The following PARD3 variants were observed in gnomAD, a reference collection of about 807,000 sequenced individuals.
The protein encoded by PARD3 is par-3 family cell polarity regulator, also known as partitioning defective 3 homolog.
PARD3 carries 75 observed loss-of-function variants against 155.4 expected under a neutral mutation model. That is an observed-to-expected ratio of 0.48 (90% confidence interval 0.40 to 0.58). PARD3 has a LOEUF of 0.58. Ranked by LOEUF, PARD3 falls within the 20% of genes least tolerant of loss-of-function variation. The probability of loss-of-function intolerance (pLI) is 0.00; values close to 1 mark genes in which losing one functional copy is unlikely to be tolerated. For missense variants in PARD3, 1,642 were observed against 1,721.7 expected (o/e 0.95, Z 0.82); for synonymous variants, 576 against 610.5 (o/e 0.94, Z 0.83).
Position 34,666,805 on chromosome 10 carries a change from A to ATATATATATATG in PARD3, c.222+29512_222+29513insCATATATATATA, listed in dbSNP as rs1472522396. ...AAAAAAAAAAAAAAAAAATATATAT[A>ATATATATATATG]TATATATATATACACACACACACAC... On this transcript the variant is annotated intron_variant, in intron 2 of 24. Coordinates refer to ENST00000374788, the MANE Select transcript of PARD3 (RefSeq NM_001184785.2). Among the ~76,000 whole-genome samples the ATATATATATATG allele has an allele frequency of 8.5e-3, 863 of 101,518 alleles. 25 individuals carry two copies. The highest frequency in any genetic ancestry group is 0.039 in the African/African-American group (817 of 20,894). The allele number at this position is 101,518 out of a possible 152,430, so 66.6% of individuals were successfully genotyped here.
At chr10:34,385,892 A>G (rs374324137) in intron 7 of PARD3, among the ~76,000 whole-genome samples, 10 of 152,220 alleles carry the variant, frequency 6.6e-5, no homozygotes, top group African/African-American at 2.2e-4. Context: ...GGCATGATTG[A>G]GGTTAGCTGA....
intron 16 of PARD3, among the ~76,000 whole-genome samples, chr10:34,340,400 C>T (rs1419604120): frequency 2.0e-5 from 3 of 152,148 alleles, no homozygotes; most frequent in African/African-American, 7.2e-5. Context: ...ACACCATCTG[C>T]AGATTTCAAA....
chr10:34,474,749 T>G (rs1349893960), intron 3 of PARD3, among the ~76,000 whole-genome samples: 1 of 152,238 alleles, frequency 6.6e-6, no homozygotes, highest in Non-Finnish European at 1.5e-5. Context: ...TCAAATCTAT[T>G]AAGTTCCATT....
chr10:34,210,799 C>T (rs1276337306), intron 22 of PARD3, among the ~76,000 whole-genome samples: 2 of 152,122 alleles, frequency 1.3e-5, no homozygotes, highest in African/African-American at 2.4e-5. Flanking sequence ...GAATTCAGTG[C>T]ACAATGGTCA....
At chr10:34,792,086 T>C (rs1291097051) in intron 1 of PARD3, among the ~76,000 whole-genome samples, 1 of 152,262 alleles carries the variant, frequency 6.6e-6, no homozygotes, top group South Asian at 2.1e-4. Flanking sequence ...TGCTCAGATA[T>C]GCGCCCTGTT....
chr10:34,474,906 A>T (rs1446230856), intron 3 of PARD3, among the ~76,000 whole-genome samples: 1 of 152,242 alleles, frequency 6.6e-6, no homozygotes, highest in Non-Finnish European at 1.5e-5. Context: ...GAAACGTTAC[A>T]TTAGCCATAA....
chr10:34,406,849 T>C (rs1333002020), intron 5 of PARD3, among the ~76,000 whole-genome samples: 1 of 150,688 alleles, frequency 6.6e-6, no homozygotes, highest in African/African-American at 2.4e-5. Context: ...GAAGAGGAAA[T>C]ATATTCAGAG....
intron 20 of PARD3, among the ~76,000 whole-genome samples, chr10:34,289,106 G>GC (rs1348363085): frequency 8.6e-5 from 13 of 151,990 alleles, no homozygotes; most frequent in Admixed American, 8.5e-4. Flanking sequence ...GACTACAGGT[G>GC]CATGGTACCT....
Position 34,435,242 on chromosome 10 carries a change from T to C in PARD3, c.714+15075A>G, listed in dbSNP as rs145914152. 4.9e-3 allele frequency among the ~76,000 whole-genome samples: 739 copies of C among 152,296 alleles called. 6 individuals carry two copies. The highest frequency in any genetic ancestry group is 0.017 in the African/African-American group (711 of 41,546). The stretch of plus-strand genomic sequence containing the variant: ...GCTATCTCTGGTACTTTTGTTGTAA[T>C]TGCAGATGGCAACACTTCATCATCT... On this transcript the variant is annotated intron_variant, in intron 5 of 24. Coordinates refer to ENST00000374788, the MANE Select transcript of PARD3 (RefSeq NM_001184785.2).
At chr10:34,378,162 G>T in intron 9 of PARD3, 56 bp from the exon 10 acceptor site, 1 of 1,345,874 alleles carries the variant, frequency 7.4e-7, no homozygotes. Flanking sequence ...GAATTTTACA[G>T]GTGTATTGCA....
chr10:34,545,016 A>C (rs2083930209), intron 2 of PARD3, among the ~76,000 whole-genome samples: 1 of 152,218 alleles, frequency 6.6e-6, no homozygotes, highest in South Asian at 2.1e-4. Context: ...CAAAGAATTT[A>C]GGAAAAAAGG....
At chr10:34,184,606 CTT>C (rs1950404372) in intron 22 of PARD3, among the ~76,000 whole-genome samples, 1 of 151,892 alleles carries the variant, frequency 6.6e-6, no homozygotes, top group Non-Finnish European at 1.5e-5. Context: ...ACCAAAGTCT[CTT>C]TAACTAGGTC....
At chr10:34,389,848 C>A (rs2132073351) in intron 7 of PARD3, among the ~76,000 whole-genome samples, 1 of 152,020 alleles carries the variant, frequency 6.6e-6, no homozygotes, top group African/African-American at 2.4e-5. Context: ...TTTAGAAAAA[C>A]TTCAATGAAT....
intron 2 of PARD3, among the ~76,000 whole-genome samples, chr10:34,662,966 T>C (rs1376422206): frequency 6.6e-6 from 1 of 151,744 alleles, no homozygotes; most frequent in Non-Finnish European, 1.5e-5. Context: ...CACTCATTTG[T>C]GGGAGCTAAA....
At chr10:34,769,874 C>T (rs1475029180) in intron 1 of PARD3, among the ~76,000 whole-genome samples, 3 of 151,450 alleles carry the variant, frequency 2.0e-5, no homozygotes, top group African/African-American at 7.3e-5. Context: ...CATACACACA[C>T]ACACACAATT....
chr10:34,593,619 TA>T (rs917794595), intron 2 of PARD3, among the ~76,000 whole-genome samples: 28 of 152,200 alleles, frequency 1.8e-4, no homozygotes, highest in African/African-American at 6.5e-4. Context: ...TTCCTCAAGC[TA>T]AATTACATTT....
intron 5 of PARD3, among the ~76,000 whole-genome samples, chr10:34,420,146 G>A (rs1289331779): frequency 2.0e-5 from 3 of 152,130 alleles, no homozygotes; most frequent in African/African-American, 7.2e-5. Flanking sequence ...CAGAGATAAA[G>A]GCTCACTATA....
At chr10:34,335,936 C>A (rs1191674933) in intron 18 of PARD3, among the ~76,000 whole-genome samples, 3 of 152,044 alleles carry the variant, frequency 2.0e-5, no homozygotes. Flanking sequence ...AACATCCTTA[C>A]ATGAATATAA....
intron 2 of PARD3, among the ~76,000 whole-genome samples, chr10:34,615,428 A>G (rs1036613148): frequency 1.3e-5 from 2 of 152,144 alleles, no homozygotes; most frequent in Non-Finnish European, 2.9e-5. Context: ...GTGGAAGTAG[A>G]CCCCTATGTC....
Sources: gnomAD v4.1 joint callset for allele counts (sites outside exome capture counted in the v4.1 genomes callset) on GRCh38, gnomAD v4.1.1 for gene constraint, MANE v1.5 for transcripts, NCBI Gene and HGNC (gene_info 2026-07-23, HGNC 2026-07-21) for gene names.